SOBP: variants seen among roughly 807,000 people sequenced by gnomAD.
SOBP encodes sine oculis binding protein homolog.
A neutral mutation model predicts 53.6 loss-of-function variants in SOBP; 4 were observed. That is an observed-to-expected ratio of 0.07 (90% CI 0.04 to 0.17). The LOEUF (loss-of-function observed/expected upper bound fraction) is 0.17, where lower values mean the gene tolerates loss of function less well. Ranked by LOEUF, SOBP falls within the 10% of genes least tolerant of loss-of-function variation. The pLI is 1.00. For synonymous variants in SOBP, 584 were observed against 522.6 expected, an observed-to-expected ratio of 1.12 and a Z score of -1.60; for missense variants, 1,088 against 1,204.7, an observed-to-expected ratio of 0.90 and a Z score of 1.43.
At chr6:107,575,314 C>T (rs535813950) in intron 4 of SOBP, among the ~76,000 whole-genome samples, 2 of 152,272 alleles carry the variant, frequency 1.3e-5, no homozygotes, top group African/African-American at 4.8e-5. Context: ...TTATTATTGT[C>T]AAAGTGGCTT....
At chr6:107,612,364 A>T (rs1448504905) in intron 5 of SOBP, among the ~76,000 whole-genome samples, 1 of 152,194 alleles carries the variant, frequency 6.6e-6, no homozygotes, top group Non-Finnish European at 1.5e-5. Context: ...CATTCACAGA[A>T]GTTTGAACTT....
chr6:107,547,874 G>A (rs1330417315), intron 4 of SOBP, among the ~76,000 whole-genome samples: 1 of 152,150 alleles, frequency 6.6e-6, no homozygotes, highest in African/African-American at 2.4e-5. Flanking sequence ...CAAGTTGATG[G>A]GTTTCTGGGT....
intron 4 of SOBP, among the ~76,000 whole-genome samples, chr6:107,584,326 A>G (rs547001771): frequency 6.6e-6 from 1 of 152,216 alleles, no homozygotes; most frequent in East Asian, 1.9e-4. Flanking sequence ...TGTTAGATGA[A>G]TGCACTGAAT....
At chr6:107,602,389 T>C (rs979165221) in intron 5 of SOBP, among the ~76,000 whole-genome samples, 4 of 152,114 alleles carry the variant, frequency 2.6e-5, no homozygotes, top group African/African-American at 9.7e-5. Flanking sequence ...TTATTTGAAC[T>C]CAAATAGTGA....
intron 4 of SOBP, among the ~76,000 whole-genome samples, chr6:107,575,022 G>A (rs1785185988): frequency 6.6e-6 from 1 of 152,212 alleles, no homozygotes; most frequent in African/African-American, 2.4e-5. Context: ...TTGTCACCAT[G>A]CTGCTTCTGC....
chr6:107,537,457 T>C (rs1208087850), intron 4 of SOBP, among the ~76,000 whole-genome samples: 1 of 152,250 alleles, frequency 6.6e-6, no homozygotes, highest in Non-Finnish European at 1.5e-5. Flanking sequence ...GGATTCGGAA[T>C]GTTGATAATT....
intron 5 of SOBP, among the ~76,000 whole-genome samples, chr6:107,588,730 CAA>C (rs1215053977): frequency 6.6e-6 from 1 of 152,128 alleles, no homozygotes; most frequent in Non-Finnish European, 1.5e-5. Context: ...CTGGAGGAAG[CAA>C]AACATATATG....
chr6:107,644,026 G>A (rs1771448375), intron 6 of SOBP, among the ~76,000 whole-genome samples: 1 of 152,240 alleles, frequency 6.6e-6, no homozygotes, highest in South Asian at 2.1e-4. Flanking sequence ...CCACACGTGA[G>A]CGTGGTGGCT....
intron 5 of SOBP, among the ~76,000 whole-genome samples, chr6:107,595,550 C>G (rs1219747623): frequency 6.6e-6 from 1 of 151,862 alleles, no homozygotes; most frequent in Non-Finnish European, 1.5e-5. Context: ...GCCTAAAATA[C>G]CAAAGAGAAT....
intron 6 of SOBP, among the ~76,000 whole-genome samples, chr6:107,653,428 T>C (rs890258057): frequency 2.8e-4 from 43 of 152,346 alleles, no homozygotes; most frequent in Admixed American, 2.8e-3. Flanking sequence ...GTAATGGCTG[T>C]ATTTAACTGT....
intron 4 of SOBP, among the ~76,000 whole-genome samples, chr6:107,562,920 C>T (rs558999164): frequency 6.6e-6 from 1 of 152,156 alleles, no homozygotes; most frequent in African/African-American, 2.4e-5. Flanking sequence ...GTCGTTGAAG[C>T]TGTGAATAGA....
At chr6:107,624,418 G>T (rs932017296) in intron 5 of SOBP, among the ~76,000 whole-genome samples, 2 of 152,202 alleles carry the variant, frequency 1.3e-5, no homozygotes, top group Non-Finnish European at 2.9e-5. Flanking sequence ...CAGAACTGGG[G>T]ACGTTTAAAA....
At chr6:107,552,501 G>A (rs1465227025) in intron 4 of SOBP, among the ~76,000 whole-genome samples, 1 of 152,140 alleles carries the variant, frequency 6.6e-6, no homozygotes, top group Non-Finnish European at 1.5e-5. Flanking sequence ...AATGAGGAGG[G>A]GCAGCCTCCC....
chr6:107,586,004 G>C (rs966031758), intron 4 of SOBP, among the ~76,000 whole-genome samples: 2 of 152,230 alleles, frequency 1.3e-5, no homozygotes, highest in East Asian at 3.9e-4. Flanking sequence ...CTGTTCCCTT[G>C]GTGCCAGACA....
intron 4 of SOBP, 48 bp downstream of exon 4, chr6:107,533,658 C>G (rs201185991): frequency 6.8e-6 from 11 of 1,611,938 alleles, no homozygotes; most frequent in South Asian, 1.1e-5. Context: ...CTCACCAGCC[C>G]ACACGCGCAT....
intron 3 of SOBP, among the ~76,000 whole-genome samples, chr6:107,521,655 G>A (rs984623434): frequency 1.3e-5 from 2 of 152,264 alleles, no homozygotes; most frequent in Non-Finnish European, 2.9e-5. Flanking sequence ...AATAAATGCT[G>A]CCATGAAGAT....
At chr6:107,562,322 C>T in intron 4 of SOBP, among the ~76,000 whole-genome samples, 1 of 152,088 alleles carries the variant, frequency 6.6e-6, no homozygotes, top group East Asian at 1.9e-4. Context: ...CCTGGCCTCC[C>T]TGGTTCTTAA....
At position 107,602,957 on chromosome 6, in the gene SOBP, C is replaced by A. The variant is rs76206386; in HGVS notation, c.669+15782C>A. Among the ~76,000 whole-genome samples the A allele has an allele frequency of 9.3e-4, 128 of 137,494 alleles. 1 individual carries two copies. The East Asian group carries it at 0.032, about 34-fold the overall frequency. The allele number at this position is 137,494 out of a possible 152,430, so 90.2% of individuals were successfully genotyped here. A position where few individuals can be genotyped will look rare whatever the true frequency, so the allele number is the denominator to read the frequency against. ...GGTAAAGTGATTCTTCTCCCCTTGC[C>A]TCCCCCGTCCCCCACAAAAAAAAAA... On this transcript the variant is annotated intron_variant, in intron 5 of 6. Coordinates refer to ENST00000317357, the MANE Select transcript of SOBP (RefSeq NM_018013.4).
intron 4 of SOBP, among the ~76,000 whole-genome samples, chr6:107,540,031 G>A (rs1407879069): frequency 6.6e-6 from 1 of 152,132 alleles, no homozygotes; most frequent in Non-Finnish European, 1.5e-5. Context: ...TCTTTTTCCT[G>A]GAATAGTAGT....
Sources: gnomAD v4.1 joint callset for allele counts (sites outside exome capture counted in the v4.1 genomes callset) on GRCh38, gnomAD v4.1.1 for gene constraint, MANE v1.5 for transcripts, NCBI Gene and HGNC (gene_info 2026-07-23, HGNC 2026-07-21) for gene names.